Variants in LRCH1 observed in about 807,000 individuals in gnomAD.
LRCH1 encodes leucine-rich repeat and calponin homology domain-containing protein 1.
Under a neutral mutation model 94.9 loss-of-function variants are expected in LRCH1, and 23 were observed. The ratio of observed to expected loss-of-function variants is 0.24; its 90% CI spans 0.17 to 0.34. The LOEUF (loss-of-function observed/expected upper bound fraction) is 0.34, where lower values mean the gene tolerates loss of function less well. Among genes scored for constraint, LRCH1 ranks in the 10% least tolerant of loss-of-function variants. The pLI, the probability that LRCH1 is intolerant of heterozygous loss-of-function variation, is 1.00. For missense variants in LRCH1, 790 were observed against 945.9 expected, an observed-to-expected ratio of 0.84 and a Z score of 2.16; for synonymous variants, 364 against 354.9, an observed-to-expected ratio of 1.03 and a Z score of -0.29.
At chr13:46,707,552 C>T (rs1871828999) in intron 13 of LRCH1, among the ~76,000 whole-genome samples, 1 of 152,176 alleles carries the variant, frequency 6.6e-6, no homozygotes, top group Admixed American at 6.5e-5. Context: ...CAGCTGCAGA[C>T]CCACTTTTGA....
intron 1 of LRCH1, among the ~76,000 whole-genome samples, chr13:46,640,737 G>A (rs904984205): frequency 6.6e-6 from 1 of 152,214 alleles, no homozygotes. Flanking sequence ...TGACTAAATC[G>A]CATTGCTATG....
intron 1 of LRCH1, among the ~76,000 whole-genome samples, chr13:46,629,272 C>G (rs1824717392): frequency 1.3e-5 from 2 of 151,758 alleles, no homozygotes; most frequent in Non-Finnish European, 2.9e-5. Flanking sequence ...CCAAAGAACA[C>G]TGATTGTCTT....
intron 4 of LRCH1, 43 bp downstream of exon 4, chr13:46,681,889 A>G (rs761833810): frequency 2.4e-6 from 3 of 1,259,190 alleles, no homozygotes; most frequent in Middle Eastern, 3.8e-4. Context: ...GGAGACTTGC[A>G]TTATTTTATG....
chr13:46,668,725 TGGCGGG>T (rs1566212442), intron 2 of LRCH1, among the ~76,000 whole-genome samples: 1 of 5,298 alleles, frequency 1.9e-4, no homozygotes, highest in Admixed American at 4.0e-3. Flanking sequence ...TAAGTGGCGG[TGGCGGG>T]GTGGCGGGGT....
intron 3 of LRCH1, among the ~76,000 whole-genome samples, chr13:46,671,765 TTTTTAA>T (rs1422463597): frequency 3.9e-5 from 6 of 152,246 alleles, no homozygotes; most frequent in Non-Finnish European, 7.3e-5. Context: ...CCAGACTTTA[TTTTTAA>T]GAGCAGTTTT....
At chr13:46,750,976 T>A (rs987450211) in exon 19 of LRCH1, 5 of 189,758 alleles carry the variant, frequency 2.6e-5, no homozygotes, top group Middle Eastern at 2.0e-3. Flanking sequence ...GCACAACCGT[T>A]TTGCAGCAAG....
At position 46,743,872 on chromosome 13, in the gene LRCH1, G is replaced by T. The variant is rs1873791155; in HGVS notation, c.*2024G>T. The T allele has an allele frequency of 9.2e-6, 9 of 983,574 alleles. No homozygotes were observed. The highest frequency in any genetic ancestry group is 1.7e-5 in the African/African-American group (1 of 57,218). The allele number at this position is 983,574 out of a possible 1,614,324, so 60.9% of individuals were successfully genotyped here. On this transcript the variant is annotated 3_prime_UTR_variant, in exon 20 of 20. Coordinates refer to ENST00000389797, the MANE Select transcript of LRCH1 (RefSeq NM_001164211.2). The stretch of plus-strand genomic sequence containing the variant: ...AAAACATGTTAAAGACAAATTAAAA[G>T]ACATTTATATTTTAATTCTGGCATC...
chr13:46,687,573 A>G (rs1032058257), intron 5 of LRCH1, among the ~76,000 whole-genome samples: 1 of 152,112 alleles, frequency 6.6e-6, no homozygotes, highest in Non-Finnish European at 1.5e-5. Context: ...TATATTTTTT[A>G]TACTATATAT....
At chr13:46,631,165 A>T (rs1016471747) in intron 1 of LRCH1, among the ~76,000 whole-genome samples, 1 of 152,194 alleles carries the variant, frequency 6.6e-6, no homozygotes, top group Non-Finnish European at 1.5e-5. Context: ...CACGAGTGTG[A>T]TTATTTTCTG....
chr13:46,723,092 G>A (rs1593377064), intron 16 of LRCH1, 129 bp from the exon 17 acceptor site: 1 of 539,542 alleles, frequency 1.9e-6, no homozygotes, highest in Non-Finnish European at 3.3e-6. Flanking sequence ...TGTGGATTTG[G>A]AATTTCTTTG....
At chr13:46,569,501 G>A (rs1278270067) in intron 1 of LRCH1, among the ~76,000 whole-genome samples, 1 of 152,120 alleles carries the variant, frequency 6.6e-6, no homozygotes, top group Non-Finnish European at 1.5e-5. Flanking sequence ...CACTTGGCTG[G>A]CTCCCCTGGT....
chr13:46,716,555 A>G (rs550075934), intron 16 of LRCH1, among the ~76,000 whole-genome samples: 1 of 152,324 alleles, frequency 6.6e-6, no homozygotes, highest in East Asian at 1.9e-4. Flanking sequence ...TGCAAACACA[A>G]TGGAAAGATA....
chr13:46,728,182 G>T (rs1872921769), intron 17 of LRCH1, among the ~76,000 whole-genome samples: 1 of 152,002 alleles, frequency 6.6e-6, no homozygotes, highest in South Asian at 2.1e-4. Context: ...CTCTCAAAGT[G>T]TTGGGGTTAC....
In LRCH1 at chr13:46,566,450, T is replaced by C. The variant is rs2050185633; in HGVS notation, c.307+12747T>C. Among the ~76,000 whole-genome samples the C allele has an allele frequency of 2.6e-5, 4 of 152,274 alleles. No homozygotes were observed. In the South Asian group the frequency reaches 8.3e-4, roughly 32 times the overall value. ...TATGGTAACTCGGAAGGGGGAATAA[T>C]GTTTGTAGGGCCAGACTCATGTCTG... On this transcript the variant is annotated intron_variant, in intron 1 of 19. Transcript: ENST00000389797.
intron 8 of LRCH1, among the ~76,000 whole-genome samples, chr13:46,693,149 C>T (rs1407339980): frequency 1.3e-5 from 2 of 151,764 alleles, no homozygotes; most frequent in African/African-American, 4.8e-5. Context: ...TTCTTTAAAT[C>T]CATTCTTGGA....
chr13:46,729,344 G>A (rs1429079977), intron 18 of LRCH1, among the ~76,000 whole-genome samples: 1 of 151,914 alleles, frequency 6.6e-6, no homozygotes, highest in South Asian at 2.1e-4. Flanking sequence ...TGTATTTTTT[G>A]TAGAGACGGG....
intron 4 of LRCH1, 90 bp from the exon 5 acceptor site, chr13:46,685,815 G>T: frequency 1.1e-6 from 1 of 925,418 alleles, no homozygotes; most frequent in Non-Finnish European, 1.5e-6. Flanking sequence ...TTCCTGAGAA[G>T]CAGAACATTA....
chr13:46,643,354 A>C (rs986747304), intron 1 of LRCH1, among the ~76,000 whole-genome samples: 2 of 152,184 alleles, frequency 1.3e-5, no homozygotes, highest in Non-Finnish European at 2.9e-5. Flanking sequence ...GAATGCTCAT[A>C]TCTCTCTGTG....
chr13:46,675,062 G>A (rs2051652858), intron 3 of LRCH1, among the ~76,000 whole-genome samples: 1 of 152,204 alleles, frequency 6.6e-6, no homozygotes, highest in African/African-American at 2.4e-5. Context: ...GGAACCAAGA[G>A]TCAGGGAAGG....
Sources: allele counts gnomAD v4.1 joint callset (sites outside exome capture counted in the v4.1 genomes callset), GRCh38; gene constraint gnomAD v4.1.1; transcripts MANE v1.5; gene names NCBI Gene and HGNC (gene_info 2026-07-23, HGNC 2026-07-21).